The following MAP1B variants were observed in gnomAD, a reference collection of about 807,000 sequenced individuals.
MAP1B encodes the protein microtubule-associated protein 1B.
In MAP1B, 12 loss-of-function variants were observed where a neutral mutation model predicts 176.1. The observed-to-expected ratio is 0.07, with a 90% CI of 0.04 to 0.11. The LOEUF (loss-of-function observed/expected upper bound fraction) is 0.11, where lower values mean the gene tolerates loss of function less well. Among genes scored for constraint, MAP1B ranks in the 10% least tolerant of loss-of-function variants. MAP1B has a pLI of 1.00. For synonymous variants in MAP1B, 1,044 were observed against 1,135.0 expected (o/e 0.92, Z 1.61); for missense variants, 2,523 against 2,990.5 (o/e 0.84, Z 3.65).
At position 72,198,000 on chromosome 5, in the gene MAP1B, G is replaced by T; in HGVS notation, c.4645G>T (p.Val1549Leu). The change falls in exon 5 of 7, where the codon GTG (valine) becomes TTG (leucine). Residue 1549 changes from valine (V) to leucine (L), a missense_variant. By Grantham distance (32) the Val-to-Leu change is conservative. Transcript: ENST00000296755. ...AEDTYSHMEG[V>L]ASVSTASVAT... ...AGACACGTACTCTCATATGGAGGGT[G>T]TGGCCTCAGTGTCCACAGCCTCAGT... is the stretch of plus-strand genomic sequence containing the variant. 1 of 1,614,190 alleles carries T rather than the reference G, an allele frequency of 6.2e-7. No individual in the cohort carries two copies. Among genetic ancestry groups the T allele is most frequent in the Non-Finnish European group, 8.5e-7 (1 of 1,180,034 alleles).
At chr5:72,168,920 A>C (rs1746483497) in intron 2 of MAP1B, among the ~76,000 whole-genome samples, 1 of 152,200 alleles carries the variant, frequency 6.6e-6, no homozygotes, top group Non-Finnish European at 1.5e-5. Context: ...CCCAGAACTT[A>C]ATTCCTTTGG....
intron 2 of MAP1B, among the ~76,000 whole-genome samples, chr5:72,160,827 G>A (rs897023762): frequency 2.6e-5 from 4 of 152,192 alleles, no homozygotes; most frequent in African/African-American, 9.7e-5. Context: ...AGCTTCAAGA[G>A]CAAGCTAGAC....
Position 72,194,861 on chromosome 5 carries a change from G to A in MAP1B, c.1506G>A (p.Leu502=), listed in dbSNP as rs1247645530. ...NSTQYNILEG[L]EKLKHLDFLK... Reference sequence around the variant, plus strand: ...CCCAGTACAACATCCTGGAAGGGTTGGAAAAGCTCAAACATCTAGACTTTC... The same window carrying A: ...CCCAGTACAACATCCTGGAAGGGTTAGAAAAGCTCAAACATCTAGACTTTC... The change falls in exon 5 of 7, where the codon TTG becomes TTA. Residue 502 remains leucine, a synonymous_variant. Transcript: ENST00000296755. This position sits in a 1 kb window ranked among gnomAD's most constrained non-coding sequence, Gnocchi z 7.2. 6.2e-7 allele frequency: 1 copy of A among 1,614,138 alleles called. No individual in the cohort carries two copies.
At position 72,186,792 on chromosome 5, in the gene MAP1B, C is replaced by T. The variant is rs1326973765; in HGVS notation, c.510+38C>T. On this transcript the variant is annotated intron_variant, in intron 4 of 6. Transcript: ENST00000296755. The surrounding 1 kb of genome is among the most constrained non-coding windows in gnomAD (Gnocchi z 4.3). ...CTGAGAATATCTGTGCTTCTAGTGG[C>T]TTGGTTGCCTTAGGTTCCTCTTTGA... 1 of 1,610,570 alleles carries T rather than the reference C, an allele frequency of 6.2e-7. No homozygotes were observed. Among genetic ancestry groups the T allele is most frequent in the South Asian group, 1.1e-5 (1 of 90,938 alleles).
At chr5:72,143,142 T>C (rs1190201778) in intron 2 of MAP1B, among the ~76,000 whole-genome samples, 1 of 152,152 alleles carries the variant, frequency 6.6e-6, no homozygotes, top group Non-Finnish European at 1.5e-5. Context: ...TGTAGAAACA[T>C]CTTTGCACGT....
intron 2 of MAP1B, among the ~76,000 whole-genome samples, chr5:72,158,101 G>A (rs796983818): frequency 4.7e-5 from 7 of 149,890 alleles, no homozygotes; most frequent in African/African-American, 1.5e-4. Flanking sequence ...TCCGCCCCCC[G>A]GGGTTCACGC....
chr5:72,141,072 G>A (rs1307360607), intron 2 of MAP1B, among the ~76,000 whole-genome samples: 1 of 152,164 alleles, frequency 6.6e-6, no homozygotes, highest in African/African-American at 2.4e-5. Flanking sequence ...TGTGTCTTCT[G>A]GAGCATTGAC....
rs199618434 is a variant in MAP1B at position 72,207,442 on chromosome 5, A to G, written c.*2203A>G. On this transcript the variant is annotated 3_prime_UTR_variant, in exon 7 of 7. Coordinates refer to ENST00000296755, the MANE Select transcript of MAP1B (RefSeq NM_005909.5). Reference sequence around the variant, plus strand: ...GGGTCCTTTCACTGAGGACCTATGCAGTCTACTTAATGCTGTGAATTACAT... The same window carrying G: ...GGGTCCTTTCACTGAGGACCTATGCGGTCTACTTAATGCTGTGAATTACAT... The G allele has an allele frequency of 4.6e-5, 7 of 152,258 alleles. No homozygotes were observed. Among genetic ancestry groups the G allele is most frequent in the Admixed American group, 2.6e-4 (4 of 15,288 alleles). 9.4% of individuals were successfully genotyped at this position (152,258 alleles called of 1,614,324 possible). A position where few individuals can be genotyped will look rare whatever the true frequency, so the allele number is the denominator to read the frequency against.
chr5:72,143,151 G>A (rs1488230876), intron 2 of MAP1B, among the ~76,000 whole-genome samples: 1 of 152,096 alleles, frequency 6.6e-6, no homozygotes, highest in Non-Finnish European at 1.5e-5. Flanking sequence ...ATCTTTGCAC[G>A]TATCATAGAG....
chr5:72,203,948 G>A, intron 6 of MAP1B, 147 bp downstream of exon 6: 1 of 661,920 alleles, frequency 1.5e-6, no homozygotes, highest in East Asian at 2.7e-5. Context: ...GAAATATCCT[G>A]AGAACAAAGT....
chr5:72,161,329 A>G (rs1000931029), intron 2 of MAP1B, among the ~76,000 whole-genome samples: 1 of 152,248 alleles, frequency 6.6e-6, no homozygotes, highest in East Asian at 1.9e-4. Context: ...AATGGAATCA[A>G]TGTCATAATA....
Position 72,206,842 on chromosome 5 carries a change from C to T in MAP1B, c.*1603C>T, listed in dbSNP as rs1048282057. On this transcript the variant is annotated 3_prime_UTR_variant, in exon 7 of 7. Transcript: ENST00000296755. ...AATGATACCTCCCACCCCTTGATTC[C>T]CATAACATAAAAGTGCTACTTGAGA... 1 of 152,006 alleles carries T rather than the reference C, an allele frequency of 6.6e-6. No homozygotes were observed. The highest frequency in any genetic ancestry group is 1.5e-5 in the Non-Finnish European group (1 of 68,018). The allele number at this position is 152,006 out of a possible 1,614,324, so 9.4% of individuals were successfully genotyped here.
At chr5:72,202,110 A>T (rs534714521) in intron 5 of MAP1B, among the ~76,000 whole-genome samples, 358 of 152,336 alleles carry the variant, frequency 2.4e-3, no homozygotes, top group Non-Finnish European at 4.2e-3. Flanking sequence ...TATTTTGGAG[A>T]TGCTTTTAGA....
At chr5:72,131,472 A>G (rs995478119) in intron 2 of MAP1B, among the ~76,000 whole-genome samples, 3 of 152,222 alleles carry the variant, frequency 2.0e-5, no homozygotes. Flanking sequence ...GGAAATAGGA[A>G]CAATCCAATA....
chr5:72,189,744 A>C (rs931300181), intron 4 of MAP1B, among the ~76,000 whole-genome samples: 4 of 152,096 alleles, frequency 2.6e-5, no homozygotes, highest in Admixed American at 2.6e-4. Context: ...AATAAAAAGA[A>C]GAGGAGATGG....
chr5:72,112,565 C>T (rs1204393924), intron 1 of MAP1B, among the ~76,000 whole-genome samples: 1 of 152,138 alleles, frequency 6.6e-6, no homozygotes, highest in East Asian at 1.9e-4. Context: ...ATGTCAGCCT[C>T]CCTTGTGTGC....
chr5:72,200,516 A>G lies in MAP1B; in HGVS notation c.7012+149A>G, dbSNP rs555466954. On this transcript the variant is annotated intron_variant, in intron 5 of 6. Coordinates refer to ENST00000296755, the MANE Select transcript of MAP1B (RefSeq NM_005909.5). Reference sequence around the variant, plus strand: ...TCCCTGTACTCTTCTCCTCTGCCCAAAGGTATATATCTCAGTCCAGTGTGG... The same window carrying G: ...TCCCTGTACTCTTCTCCTCTGCCCAGAGGTATATATCTCAGTCCAGTGTGG... The G allele has an allele frequency of 3.3e-4, 342 of 1,024,236 alleles. 1 individual carries two copies. The African/African-American group carries it at 3.6e-3, about 11-fold the overall frequency. The allele number at this position is 1,024,236 out of a possible 1,614,324, so 63.4% of individuals were successfully genotyped here. A position where few individuals can be genotyped will look rare whatever the true frequency, so the allele number is the denominator to read the frequency against.
chr5:72,174,072 G>T (rs9293793), intron 2 of MAP1B, among the ~76,000 whole-genome samples: 84,810 of 152,044 alleles, frequency 0.56, 24,042 homozygotes, highest in East Asian at 0.79. Context: ...TAAGGCTGCA[G>T]TGAGCCATGT....
rs990459893 is a variant in MAP1B, at chr5:72,196,597, C to G, written c.3242C>G (p.Pro1081Arg). 3 of 1,613,832 alleles carry G rather than the reference C, an allele frequency of 1.9e-6. No individual in the cohort carries two copies. Among genetic ancestry groups the G allele is most frequent in the Non-Finnish European group, 2.5e-6 (3 of 1,180,044 alleles). Residue 1081 changes from proline to arginine, a missense_variant, in exon 5 of 7, where the codon CCT (proline) becomes CGT (arginine). Physicochemically the swap from Pro to Arg is moderately radical, Grantham distance 103 (BLOSUM62 -2). Around this residue, in one of 4 missense-constraint regions of MAP1B, gnomAD observed 1,925 missense variants for 2,126.0 expected, o/e 0.91. Transcript: ENST00000296755. The surrounding 1 kb of genome is among the most constrained non-coding windows in gnomAD (Gnocchi z 5.3). The stretch of plus-strand genomic sequence containing the variant: ...GGAGCCCAGTCTCCTGGCCGAGAAC[C>G]TGCATCTTCAATTCATGATGAGACT... The part of the protein sequence containing the change: ...QLGAQSPGRE[P>R]ASSIHDETLP...
Sources: allele counts gnomAD v4.1 joint callset (sites outside exome capture counted in the v4.1 genomes callset), GRCh38; gene constraint gnomAD v4.1.1; regional missense constraint gnomAD v4.1.1; non-coding constraint Gnocchi (gnomAD v3.1); transcripts MANE v1.5; gene names NCBI Gene and HGNC (gene_info 2026-07-23, HGNC 2026-07-21).